TBL1XR1: variants seen among roughly 807,000 people sequenced by gnomAD.
The protein encoded by TBL1XR1 is TBL1X/Y related 1.
A neutral mutation model predicts 66.9 loss-of-function variants in TBL1XR1; 5 were observed. The ratio of observed to expected loss-of-function variants is 0.07; its 90% CI spans 0.04 to 0.16. TBL1XR1 has a LOEUF of 0.16. Ranked by LOEUF, TBL1XR1 falls within the 10% of genes least tolerant of loss-of-function variation. TBL1XR1 has a pLI of 1.00. For synonymous variants in TBL1XR1, 210 were observed against 206.0 expected (o/e 1.02, Z -0.17); for missense variants, 238 against 623.2 (o/e 0.38, Z 6.58).
At chr3:177,080,210 G>C (rs1038455748) in intron 2 of TBL1XR1, among the ~76,000 whole-genome samples, 2 of 152,188 alleles carry the variant, frequency 1.3e-5, no homozygotes, top group African/African-American at 4.8e-5. Flanking sequence ...TTAACTGCTA[G>C]AAAGGTTTTT....
In TBL1XR1 at chr3:177,050,629, G is replaced by T. The variant is rs553582190; in HGVS notation, c.428-19C>A. On this transcript the variant is annotated intron_variant, in intron 5 of 15. Coordinates refer to ENST00000457928, the MANE Select transcript of TBL1XR1 (RefSeq NM_024665.7). ...TGATTATCTGCATCGTGAAACACAA[G>T]TAAGCATTTCCAGTTAGGCAGTATT... 1.2e-6 allele frequency: 2 copies of T among 1,613,084 alleles called. No individual in the cohort carries two copies. The highest frequency in any genetic ancestry group is 2.7e-5 in the African/African-American group (2 of 74,892).
intron 3 of TBL1XR1, among the ~76,000 whole-genome samples, chr3:177,060,185 T>C (rs1718333968): frequency 6.6e-6 from 1 of 152,188 alleles, no homozygotes; most frequent in African/African-American, 2.4e-5. Flanking sequence ...TTCCCCCTAA[T>C]AAGCTCCTTT....
In TBL1XR1 at chr3:177,022,160, A is replaced by T. The variant is rs1712462087; in HGVS notation, c.*3338T>A. ...GAGTGCTTTGTAAGTGAAAAAGTAC[A>T]AATCTTTGGCCTTTCTCTTGACATT... On this transcript the variant is annotated 3_prime_UTR_variant, in exon 16 of 16. Transcript: ENST00000457928. 6.6e-6 allele frequency: 1 copy of T among 152,604 alleles called. No individual in the cohort carries two copies. The highest frequency in any genetic ancestry group is 2.4e-5 in the African/African-American group (1 of 41,468). The allele number at this position is 152,604 out of a possible 1,614,324, so 9.5% of individuals were successfully genotyped here.
chr3:177,027,300 G>C (rs1368506898), intron 14 of TBL1XR1: 1 of 152,154 alleles, frequency 6.6e-6, no homozygotes, highest in Non-Finnish European at 1.5e-5. Flanking sequence ...TGCCCAGACA[G>C]ATATGTACAC....
At chr3:177,147,288 A>G (rs1730367784) in intron 1 of TBL1XR1, among the ~76,000 whole-genome samples, 1 of 152,074 alleles carries the variant, frequency 6.6e-6, no homozygotes, top group African/African-American at 2.4e-5. Flanking sequence ...TGCTCAAGCA[A>G]TTCTCCTGCC....
At chr3:177,100,835 T>G (rs1440475907) in intron 1 of TBL1XR1, among the ~76,000 whole-genome samples, 2 of 151,696 alleles carry the variant, frequency 1.3e-5, no homozygotes, top group African/African-American at 4.8e-5. Flanking sequence ...GTTTAAGTAT[T>G]GGCTCTGCTA....
intron 2 of TBL1XR1, among the ~76,000 whole-genome samples, chr3:177,082,738 T>TTTTA (rs1450061640): frequency 0.011 from 695 of 63,244 alleles, 69 homozygotes; most frequent in African/African-American, 0.038. Context: ...AAGATAGAGA[T>TTTTA]TATATATATA....
intron 6 of TBL1XR1, 45 bp from the exon 7 acceptor site, chr3:177,050,183 C>G (rs545793154): frequency 4.4e-6 from 7 of 1,594,596 alleles, no homozygotes; most frequent in Non-Finnish European, 6.0e-6. Context: ...GACATTCTCA[C>G]GTATCAGAAC....
chr3:177,088,710 T>TAAAAAA (rs141356787), intron 2 of TBL1XR1, among the ~76,000 whole-genome samples: 1 of 126,920 alleles, frequency 7.9e-6, no homozygotes, highest in Non-Finnish European at 1.7e-5. Flanking sequence ...TTCATTTGTT[T>TAAAAAA]AAAAAAAAAA....
intron 1 of TBL1XR1, among the ~76,000 whole-genome samples, chr3:177,188,367 G>A (rs912718221): frequency 2.6e-5 from 4 of 151,844 alleles, no homozygotes; most frequent in South Asian, 4.2e-4. Context: ...GGCCAACATG[G>A]CGAAACTCCA....
chr3:177,063,224 C>T (rs868589128), intron 3 of TBL1XR1, among the ~76,000 whole-genome samples: 1 of 152,132 alleles, frequency 6.6e-6, no homozygotes, highest in African/African-American at 2.4e-5. Flanking sequence ...TGTTTTCTTA[C>T]AGTAACATCA....
chr3:177,193,181 AAAAT>A (rs771931079), intron 1 of TBL1XR1, among the ~76,000 whole-genome samples: 8 of 152,102 alleles, frequency 5.3e-5, no homozygotes, highest in Non-Finnish European at 7.4e-5. Flanking sequence ...AAAATTTTAA[AAAAT>A]AAATAAAACG....
chr3:177,023,675 A>ACTTG lies in TBL1XR1; in HGVS notation c.*1819_*1822dup, dbSNP rs1712687179. 1 of 152,560 alleles carries ACTTG rather than the reference A, an allele frequency of 6.6e-6. No homozygotes were observed. The highest frequency in any genetic ancestry group is 1.5e-5 in the Non-Finnish European group (1 of 67,972). 9.5% of individuals were successfully genotyped at this position (152,560 alleles called of 1,614,324 possible). A position where few individuals can be genotyped will look rare whatever the true frequency, so the allele number is the denominator to read the frequency against. ...GCTACCCTACCTTAGTAAAACCAAG[A>ACTTG]CTTGCTTCAATCAATGCTGTTTTGT... is the stretch of plus-strand genomic sequence containing the variant. On this transcript the variant is annotated 3_prime_UTR_variant, in exon 16 of 16. Coordinates refer to ENST00000457928, the MANE Select transcript of TBL1XR1 (RefSeq NM_024665.7).
intron 1 of TBL1XR1, among the ~76,000 whole-genome samples, chr3:177,153,194 C>T (rs190071616): frequency 3.9e-5 from 6 of 152,172 alleles, no homozygotes; most frequent in Non-Finnish European, 5.9e-5. Context: ...TAATTCTATA[C>T]TCAGTGAATA....
chr3:177,162,247 C>A (rs1643999760), intron 1 of TBL1XR1, among the ~76,000 whole-genome samples: 1 of 152,218 alleles, frequency 6.6e-6, no homozygotes, highest in Middle Eastern at 3.4e-3. Context: ...GAAAAAGAAA[C>A]TACTGCTTGA....
At chr3:177,158,045 G>A (rs1435514839) in intron 1 of TBL1XR1, among the ~76,000 whole-genome samples, 2 of 151,836 alleles carry the variant, frequency 1.3e-5, no homozygotes, top group African/African-American at 4.8e-5. Context: ...AGGTAGGTTG[G>A]AAAACTGTGA....
intron 2 of TBL1XR1, among the ~76,000 whole-genome samples, chr3:177,086,773 C>T (rs1722176907): frequency 1.3e-5 from 2 of 151,036 alleles, no homozygotes; most frequent in Non-Finnish European, 3.0e-5. Flanking sequence ...ATCAACCCAC[C>T]CAATCAAAAA....
intron 1 of TBL1XR1, among the ~76,000 whole-genome samples, chr3:177,143,290 G>A (rs935328844): frequency 6.6e-6 from 1 of 151,884 alleles, no homozygotes; most frequent in African/African-American, 2.4e-5. Context: ...ATTCCCGTAG[G>A]AGCGATGCTC....
intron 1 of TBL1XR1, among the ~76,000 whole-genome samples, chr3:177,101,695 T>A (rs1329206609): frequency 2.0e-5 from 3 of 152,188 alleles, no homozygotes; most frequent in African/African-American, 4.8e-5. Context: ...CTATAAGAAA[T>A]CAATTTATTT....
Sources: gnomAD v4.1 joint callset for allele counts (sites outside exome capture counted in the v4.1 genomes callset) on GRCh38, gnomAD v4.1.1 for gene constraint, MANE v1.5 for transcripts, NCBI Gene and HGNC (gene_info 2026-07-23, HGNC 2026-07-21) for gene names.